The following MNAT1 variants were observed in gnomAD, a reference collection of about 807,000 sequenced individuals.
MNAT1 encodes the protein MNAT1 component of CDK activating kinase, also known as CDK-activating kinase assembly factor MAT1.
Under a neutral mutation model 42.0 loss-of-function variants are expected in MNAT1, and 43 were observed. That is an observed-to-expected ratio of 1.02 (90% confidence interval 0.80 to 1.32). MNAT1 has a LOEUF of 1.32. Ranked by LOEUF, MNAT1 falls within the 40% of genes most tolerant of loss-of-function variation. MNAT1 has a pLI of 0.00. For synonymous variants in MNAT1, 118 were observed against 120.0 expected, an observed-to-expected ratio of 0.98 and a Z score of 0.11; for missense variants, 306 against 350.4, an observed-to-expected ratio of 0.87 and a Z score of 1.01.
chr14:60,787,851 G>T (rs992520236), intron 1 of MNAT1, among the ~76,000 whole-genome samples: 1 of 152,064 alleles, frequency 6.6e-6, no homozygotes, highest in Non-Finnish European at 1.5e-5. Context: ...TAGTTCTCTC[G>T]CTGTTTCTGC....
At chr14:60,870,181 C>T (rs1452301202) in intron 6 of MNAT1, among the ~76,000 whole-genome samples, 1 of 152,068 alleles carries the variant, frequency 6.6e-6, no homozygotes, top group Non-Finnish European at 1.5e-5. Context: ...CCTTTTTTCT[C>T]ATAAGCTTAT....
In MNAT1 at chr14:60,968,662, A is replaced by C. The variant is rs2036728319; in HGVS notation, c.*313A>C. 1.8e-6 allele frequency: 1 copy of C among 546,452 alleles called. No homozygotes were observed. The highest frequency in any genetic ancestry group is 2.0e-5 in the African/African-American group (1 of 49,098). 33.9% of individuals were successfully genotyped at this position (546,452 alleles called of 1,614,324 possible). On this transcript the variant is annotated 3_prime_UTR_variant, in exon 8 of 8. Coordinates refer to ENST00000261245, the MANE Select transcript of MNAT1 (RefSeq NM_002431.4). ...ACTTATAAAATCTTTTTAAAAAATA[A>C]AGCTATAATTTATATTAAGTTCTGT...
chr14:60,909,744 A>G (rs937860733), intron 7 of MNAT1, among the ~76,000 whole-genome samples: 1 of 152,170 alleles, frequency 6.6e-6, no homozygotes, highest in African/African-American at 2.4e-5. Flanking sequence ...ATATAGTTTG[A>G]AGTCAGGCAG....
intron 7 of MNAT1, among the ~76,000 whole-genome samples, chr14:60,956,130 T>G (rs1414865427): frequency 6.6e-6 from 1 of 152,106 alleles, no homozygotes; most frequent in Non-Finnish European, 1.5e-5. Context: ...GTATTGTCTT[T>G]TATTAGTATA....
At chr14:60,837,522 G>C (rs1211867094) in intron 6 of MNAT1, among the ~76,000 whole-genome samples, 1 of 152,228 alleles carries the variant, frequency 6.6e-6, no homozygotes, top group Non-Finnish European at 1.5e-5. Context: ...GCCCCATCCT[G>C]CTTTGGCTCA....
At chr14:60,940,920 C>A (rs139883765) in intron 7 of MNAT1, among the ~76,000 whole-genome samples, 1 of 152,088 alleles carries the variant, frequency 6.6e-6, no homozygotes, top group African/African-American at 2.4e-5. Context: ...GAGATTTGAA[C>A]TTTAGTCATA....
At chr14:60,945,368 A>G (rs1375161519) in intron 7 of MNAT1, among the ~76,000 whole-genome samples, 1 of 151,938 alleles carries the variant, frequency 6.6e-6, no homozygotes, top group East Asian at 1.9e-4. Context: ...AAAAAAATAG[A>G]GCATCTTTAT....
At chr14:60,745,191 G>A (rs924896839) in intron 1 of MNAT1, among the ~76,000 whole-genome samples, 32 of 152,140 alleles carry the variant, frequency 2.1e-4, no homozygotes, top group African/African-American at 7.5e-4. Context: ...GTATTTGTAG[G>A]GCTCACCTTG....
intron 6 of MNAT1, among the ~76,000 whole-genome samples, chr14:60,865,920 G>A (rs2034192096): frequency 6.6e-6 from 1 of 151,944 alleles, no homozygotes; most frequent in Non-Finnish European, 1.5e-5. Context: ...CCGTTCACTG[G>A]GAACGCTCTT....
intron 4 of MNAT1, among the ~76,000 whole-genome samples, chr14:60,810,969 T>C (rs1360635458): frequency 3.3e-5 from 5 of 152,242 alleles, no homozygotes; most frequent in Non-Finnish European, 7.3e-5. Flanking sequence ...AGTCTCCTAC[T>C]GTTACTATAT....
At chr14:60,741,680 T>TTTTTTA (rs1555371492) in intron 1 of MNAT1, among the ~76,000 whole-genome samples, 4 of 141,444 alleles carry the variant, frequency 2.8e-5, no homozygotes, top group Non-Finnish European at 6.2e-5. Context: ...TTTTTTTTTT[T>TTTTTTA]AATTTTTAGT....
intron 7 of MNAT1, among the ~76,000 whole-genome samples, chr14:60,891,689 G>A (rs1477252308): frequency 1.3e-5 from 2 of 152,170 alleles, no homozygotes; most frequent in Non-Finnish European, 2.9e-5. Flanking sequence ...CTGACTTCAA[G>A]TGATCTGCCC....
intron 6 of MNAT1, 27 bp from the exon 7 acceptor site, chr14:60,879,687 T>G (rs200460476): frequency 3.1e-6 from 5 of 1,588,516 alleles, no homozygotes; most frequent in Admixed American, 3.5e-5. Context: ...TAATAAGAGG[T>G]ATTAAGTTCC....
chr14:60,893,323 C>T (rs2034884753), intron 7 of MNAT1, among the ~76,000 whole-genome samples: 1 of 151,896 alleles, frequency 6.6e-6, no homozygotes, highest in Non-Finnish European at 1.5e-5. Flanking sequence ...AAATTCCCTA[C>T]CTGTTCATAC....
intron 6 of MNAT1, among the ~76,000 whole-genome samples, chr14:60,866,487 C>T (rs531469039): frequency 7.2e-5 from 11 of 151,926 alleles, no homozygotes; most frequent in African/African-American, 2.2e-4. Context: ...AGCTTAGTTC[C>T]TTTCCTATTT....
chr14:60,769,206 A>G (rs766359058), intron 1 of MNAT1, among the ~76,000 whole-genome samples: 3 of 152,072 alleles, frequency 2.0e-5, no homozygotes, highest in Non-Finnish European at 4.4e-5. Context: ...TTGGATCTCT[A>G]AACAGTATAC....
chr14:60,909,203 A>T (rs1268449828), intron 7 of MNAT1, among the ~76,000 whole-genome samples: 1 of 151,990 alleles, frequency 6.6e-6, no homozygotes, highest in Non-Finnish European at 1.5e-5. Context: ...GTTTGAGTTC[A>T]TTGTAGATTC....
chr14:60,870,940 C>T, intron 6 of MNAT1, among the ~76,000 whole-genome samples: 1 of 152,166 alleles, frequency 6.6e-6, no homozygotes, highest in Non-Finnish European at 1.5e-5. Context: ...AATCTACTTT[C>T]TGTCTCTGTA....
At chr14:60,962,804 G>A (rs2036619435) in intron 7 of MNAT1, among the ~76,000 whole-genome samples, 2 of 152,020 alleles carry the variant, frequency 1.3e-5, no homozygotes, top group South Asian at 4.1e-4. Context: ...TAAATGTCTG[G>A]CATAACTATT....
Sources: gnomAD v4.1 joint callset for allele counts (sites outside exome capture counted in the v4.1 genomes callset) on GRCh38, gnomAD v4.1.1 for gene constraint, MANE v1.5 for transcripts, NCBI Gene and HGNC (gene_info 2026-07-23, HGNC 2026-07-21) for gene names.